The following TMC2 variants were observed in gnomAD, a reference collection of about 807,000 sequenced individuals.
The protein encoded by TMC2 is transmembrane channel like 2.
TMC2 carries 102 observed loss-of-function variants against 105.9 expected under a neutral mutation model. The ratio of observed to expected loss-of-function variants is 0.96; its 90% confidence interval spans 0.82 to 1.14. The LOEUF (loss-of-function observed/expected upper bound fraction) is 1.14, where lower values mean the gene tolerates loss of function less well. Ranked by LOEUF, TMC2 falls within the 50% of genes most tolerant of loss-of-function variation. The probability of loss-of-function intolerance (pLI) is 0.00; values close to 1 mark genes in which losing one functional copy is unlikely to be tolerated. For synonymous variants in TMC2, 402 were observed against 422.8 expected (o/e 0.95, Z 0.60); for missense variants, 1,093 against 1,134.3 (o/e 0.96, Z 0.52).
intron 2 of TMC2, among the ~76,000 whole-genome samples, chr20:2,543,880 C>T (rs1196274709): frequency 6.6e-6 from 1 of 150,912 alleles, no homozygotes; most frequent in African/African-American, 2.4e-5. Context: ...TTTCTGGTGG[C>T]AGCTGTTTCA....
intron 7 of TMC2, among the ~76,000 whole-genome samples, chr20:2,583,615 G>A (rs746217183): frequency 9.2e-5 from 14 of 151,912 alleles, no homozygotes; most frequent in South Asian, 2.1e-4. Flanking sequence ...GGCATGTGCC[G>A]CCACGCCCTG....
At chr20:2,634,823 C>T (rs2086629847) in intron 17 of TMC2, among the ~76,000 whole-genome samples, 1 of 152,182 alleles carries the variant, frequency 6.6e-6, no homozygotes, top group East Asian at 1.9e-4. Context: ...TTATTCTCTC[C>T]TCCCCTCACC....
intron 3 of TMC2, among the ~76,000 whole-genome samples, chr20:2,561,516 A>T (rs1024554133): frequency 2.0e-5 from 3 of 152,228 alleles, no homozygotes; most frequent in Admixed American, 1.3e-4. Flanking sequence ...AAACTGTATT[A>T]TTAAAATTGC....
At chr20:2,545,551 A>G (rs2085917084) in intron 2 of TMC2, among the ~76,000 whole-genome samples, 2 of 152,044 alleles carry the variant, frequency 1.3e-5, no homozygotes, top group Non-Finnish European at 2.9e-5. Flanking sequence ...TGGCCAGAAT[A>G]CTCCTATGGG....
At chr20:2,582,637 G>A (rs181172418) in intron 7 of TMC2, among the ~76,000 whole-genome samples, 30 of 151,984 alleles carry the variant, frequency 2.0e-4, no homozygotes, top group African/African-American at 6.3e-4. Flanking sequence ...CACCAGACCC[G>A]GCTAGTTTTT....
chr20:2,614,083 A>C (rs2086463168), intron 14 of TMC2: 1 of 151,832 alleles, frequency 6.6e-6, no homozygotes. Flanking sequence ...TCTCAGTTTT[A>C]AACAAGTCTG....
Position 2,642,484 on chromosome 20 carries a change from A to C in TMC2, c.*1133A>C, listed in dbSNP as rs1373213245. On this transcript the variant is annotated 3_prime_UTR_variant, in exon 20 of 20. Transcript: ENST00000358864. ...CACCAAATTCTAAAAGGAATTTGATAACATGATTATTGTACAAAAGACCTT... is the reference window on the plus strand; with the variant it reads ...CACCAAATTCTAAAAGGAATTTGATCACATGATTATTGTACAAAAGACCTT... Among the ~76,000 whole-genome samples the C allele has an allele frequency of 6.6e-6, 1 of 152,220 alleles. No homozygotes were observed. Among genetic ancestry groups the C allele is most frequent in the African/African-American group, 2.4e-5 (1 of 41,454 alleles).
chr20:2,592,359 G>C lies in TMC2; in HGVS notation c.884G>C (p.Arg295Pro), dbSNP rs1015945273. ...AGTATTCCCAGAAAGACAGTGCCTCGGGCTGAGGAAGAAAAGGCCATGGAT... is the reference window on the plus strand; with the variant it reads ...AGTATTCCCAGAAAGACAGTGCCTCCGGCTGAGGAAGAAAAGGCCATGGAT... ...YGSIPRKTVP[R>P]AEEEKAMDFS... Residue 295 changes from arginine (R) to proline (P), a missense_variant, in exon 8 of 20, where the codon CGG becomes CCG. Arg to Pro is a moderately radical substitution (Grantham distance 103). Coordinates refer to ENST00000358864, the MANE Select transcript of TMC2 (RefSeq NM_080751.3). This position sits in a 1 kb window ranked among gnomAD's most constrained non-coding sequence, Gnocchi z 4.9. 28 of 1,614,038 alleles carry C rather than the reference G, an allele frequency of 1.7e-5. No individual in the cohort carries two copies. Among genetic ancestry groups the C allele is most frequent in the South Asian group, 4.4e-5 (4 of 91,072 alleles).
chr20:2,629,808 G>C (rs996707), intron 17 of TMC2, among the ~76,000 whole-genome samples: 27,174 of 152,188 alleles, frequency 0.18, 3,709 homozygotes, highest in African/African-American at 0.36. Context: ...TCAAACTGTA[G>C]TCCACAAGCT....
chr20:2,624,191 G>C lies in TMC2; in HGVS notation c.2181-80G>C, dbSNP rs1370867497. 5 of 1,486,864 alleles carry C rather than the reference G, an allele frequency of 3.4e-6. No homozygotes were observed. In the East Asian group the frequency reaches 1.2e-4, roughly 35 times the overall value. The allele number at this position is 1,486,864 out of a possible 1,614,324, so 92.1% of individuals were successfully genotyped here. ...AGTGGCAGGCAGCAGCCCTGGACCT[G>C]GGTAGGGGGGCCATGGACACAGCTG... is the stretch of plus-strand genomic sequence containing the variant. On this transcript the variant is annotated intron_variant, in intron 16 of 19. Coordinates refer to ENST00000358864, the MANE Select transcript of TMC2 (RefSeq NM_080751.3).
intron 2 of TMC2, among the ~76,000 whole-genome samples, chr20:2,546,237 G>A (rs1216321705): frequency 6.6e-6 from 1 of 152,174 alleles, no homozygotes. Context: ...TTTCTTAAAA[G>A]GAACTGGAAC....
At chr20:2,577,855 A>C (rs1308145598) in intron 5 of TMC2, among the ~76,000 whole-genome samples, 4 of 152,012 alleles carry the variant, frequency 2.6e-5, no homozygotes, top group Non-Finnish European at 5.9e-5. Flanking sequence ...TGTTTGCGCC[A>C]CCTGCACTCG....
intron 5 of TMC2, among the ~76,000 whole-genome samples, chr20:2,573,524 T>G (rs1390964898): frequency 1.3e-5 from 2 of 151,532 alleles, no homozygotes; most frequent in Non-Finnish European, 2.9e-5. Context: ...TCTCTTATGG[T>G]ACTCTCTTAT....
At chr20:2,559,404 G>A (rs1052157100) in intron 3 of TMC2, among the ~76,000 whole-genome samples, 2 of 152,178 alleles carry the variant, frequency 1.3e-5, no homozygotes, top group Non-Finnish European at 2.9e-5. Flanking sequence ...CCAGCTTATG[G>A]CATCAGAAAG....
chr20:2,567,856 C>T (rs2086075389), intron 4 of TMC2, among the ~76,000 whole-genome samples: 1 of 152,062 alleles, frequency 6.6e-6, no homozygotes, highest in Non-Finnish European at 1.5e-5. Context: ...ATTTTTAAAA[C>T]TCAGTGAGTG....
intron 17 of TMC2, among the ~76,000 whole-genome samples, chr20:2,624,947 G>C (rs549373715): frequency 1.3e-5 from 2 of 152,164 alleles, no homozygotes; most frequent in African/African-American, 4.8e-5. Flanking sequence ...AGCACTACTC[G>C]ATGGAGCAGC....
intron 16 of TMC2, among the ~76,000 whole-genome samples, chr20:2,619,468 T>A (rs1484612808): frequency 2.0e-5 from 3 of 152,074 alleles, no homozygotes; most frequent in Admixed American, 2.0e-4. Context: ...TAGTTAGAAG[T>A]TACAAGGCAG....
chr20:2,545,093 A>T (rs894012132), intron 2 of TMC2, among the ~76,000 whole-genome samples: 2 of 152,016 alleles, frequency 1.3e-5, no homozygotes, highest in Non-Finnish European at 2.9e-5. Context: ...TGTAGTTCTA[A>T]CTACACATGA....
At chr20:2,587,204 C>T (rs1259490842) in intron 7 of TMC2, among the ~76,000 whole-genome samples, 1 of 152,072 alleles carries the variant, frequency 6.6e-6, no homozygotes, top group African/African-American at 2.4e-5. Flanking sequence ...TCAATTAAAT[C>T]TCCTGCCATT....
Sources: gnomAD v4.1 joint callset for allele counts (sites outside exome capture counted in the v4.1 genomes callset) on GRCh38, gnomAD v4.1.1 for gene constraint, Gnocchi (gnomAD v3.1) non-coding constraint, MANE v1.5 for transcripts, NCBI Gene and HGNC (gene_info 2026-07-23, HGNC 2026-07-21) for gene names.